Variants in TTC7B observed in about 807,000 individuals in gnomAD.
The protein encoded by TTC7B is tetratricopeptide repeat protein 7B.
TTC7B carries 28 observed loss-of-function variants against 106.8 expected under a neutral mutation model. The ratio of observed to expected loss-of-function variants is 0.26; its 90% CI spans 0.19 to 0.36. The LOEUF (loss-of-function observed/expected upper bound fraction) is 0.36, where lower values mean the gene tolerates loss of function less well. TTC7B is among the 10% of genes least tolerant of loss of function. TTC7B has a pLI of 1.00. For synonymous variants in TTC7B, 405 were observed against 430.6 expected (o/e 0.94, Z 0.74); for missense variants, 862 against 1,076.4 (o/e 0.80, Z 2.79).
chr14:90,693,991 G>A (rs543844462), intron 6 of TTC7B, among the ~76,000 whole-genome samples: 37 of 152,238 alleles, frequency 2.4e-4, no homozygotes, highest in African/African-American at 8.4e-4. Context: ...AATAAAATGT[G>A]ATATATCCAC....
intron 4 of TTC7B, among the ~76,000 whole-genome samples, chr14:90,740,188 G>A (rs145537524): frequency 4.4e-4 from 67 of 152,158 alleles, no homozygotes; most frequent in African/African-American, 1.6e-3. Flanking sequence ...TCTTGGCCCC[G>A]CCTCTGGGTC....
At chr14:90,568,001 C>T (rs534733583) in intron 19 of TTC7B, among the ~76,000 whole-genome samples, 34 of 152,322 alleles carry the variant, frequency 2.2e-4, no homozygotes, top group South Asian at 1.7e-3. Context: ...AGAGAGCCCC[C>T]GAGCCCTCAA....
intron 7 of TTC7B, among the ~76,000 whole-genome samples, chr14:90,689,336 A>G (rs1337967736): frequency 3.9e-5 from 6 of 152,218 alleles, no homozygotes; most frequent in Admixed American, 3.9e-4. Context: ...GCATTCTCCT[A>G]CTTAAAATGT....
chr14:90,629,077 G>A (rs905936468), intron 15 of TTC7B, among the ~76,000 whole-genome samples: 3 of 152,346 alleles, frequency 2.0e-5, no homozygotes, highest in Non-Finnish European at 2.9e-5. Flanking sequence ...GAAAGCAGGC[G>A]CTCTCTACCC....
At chr14:90,631,281 T>C (rs1385108047) in intron 15 of TTC7B, among the ~76,000 whole-genome samples, 2 of 152,338 alleles carry the variant, frequency 1.3e-5, no homozygotes, top group South Asian at 2.1e-4. Flanking sequence ...GGTGTATAGA[T>C]CTGTTCAAGT....
chr14:90,603,390 T>C (rs1892512048), intron 17 of TTC7B: 1 of 897,264 alleles, frequency 1.1e-6, no homozygotes, highest in Non-Finnish European at 1.6e-6. Flanking sequence ...GCGAACAGAG[T>C]TCTAATAACC....
chr14:90,699,017 G>A (rs1288594940), intron 5 of TTC7B: 1 of 344,882 alleles, frequency 2.9e-6, no homozygotes, highest in Non-Finnish European at 5.6e-6. Flanking sequence ...CTCCTTCCAG[G>A]GCTTGTCTGC....
At chr14:90,685,705 C>T (rs1020450804) in intron 7 of TTC7B, among the ~76,000 whole-genome samples, 13 of 152,170 alleles carry the variant, frequency 8.5e-5, no homozygotes, top group South Asian at 4.2e-4. Flanking sequence ...TAAAGGAATG[C>T]TATGAACAAC....
At chr14:90,767,354 G>A (rs1304601557) in intron 3 of TTC7B, among the ~76,000 whole-genome samples, 1 of 152,230 alleles carries the variant, frequency 6.6e-6, no homozygotes. Flanking sequence ...TTGAGAATAA[G>A]TGCTATGGTT....
rs118182170 is a variant in TTC7B at position 90,593,268 on chromosome 14, C to T, written c.2107+218G>A. Among the ~76,000 whole-genome samples the T allele has an allele frequency of 4.8e-3, 734 of 152,364 alleles. 2 individuals carry two copies. Among genetic ancestry groups the T allele is most frequent in the Non-Finnish European group, 8.3e-3 (563 of 68,042 alleles). On this transcript the variant is annotated intron_variant, in intron 18 of 19. Transcript: ENST00000328459. ...TAGATGTCTGCTCTGTGCCAGGGCACCGAGGCAGGGGAGAGGGATCGGGGG... is the reference window on the plus strand; with the variant it reads ...TAGATGTCTGCTCTGTGCCAGGGCATCGAGGCAGGGGAGAGGGATCGGGGG...
Position 90,624,977 on chromosome 14 carries a change from C to A in TTC7B, c.1752-6932G>T, listed in dbSNP as rs767296197. ...TGCGGGATCTGCCCAAGCGGGGCAG[C>A]GGCTGAGGGGGCCCTGGATACCTTC... On this transcript the variant is annotated intron_variant, in intron 15 of 19. Transcript: ENST00000328459. The surrounding 1 kb of genome is among the most constrained non-coding windows in gnomAD (Gnocchi z 4.0). Among the ~76,000 whole-genome samples the A allele has an allele frequency of 6.6e-6, 1 of 152,180 alleles. No individual in the cohort carries two copies. The highest frequency in any genetic ancestry group is 1.5e-5 in the Non-Finnish European group (1 of 68,030).
At chr14:90,645,164 C>T (rs1245943578) in intron 14 of TTC7B, 1 of 152,330 alleles carries the variant, frequency 6.6e-6, no homozygotes, top group Non-Finnish European at 1.5e-5. Flanking sequence ...GGCCTCTTCT[C>T]AGCTCTCCTG....
intron 4 of TTC7B, among the ~76,000 whole-genome samples, chr14:90,743,100 C>T (rs145580312): frequency 1.3e-5 from 2 of 152,252 alleles, no homozygotes; most frequent in Non-Finnish European, 2.9e-5. Context: ...AAGATCATAT[C>T]GTAAATTCTG....
chr14:90,709,295 A>G (rs8022509), intron 5 of TTC7B, among the ~76,000 whole-genome samples: 5,932 of 151,396 alleles, frequency 0.039, 161 homozygotes, highest in Non-Finnish European at 0.059. Flanking sequence ...CCAAATGTCC[A>G]ACAATGATAG....
At chr14:90,720,152 G>A (rs771951332) in intron 5 of TTC7B, among the ~76,000 whole-genome samples, 3 of 151,708 alleles carry the variant, frequency 2.0e-5, no homozygotes, top group South Asian at 4.2e-4. Flanking sequence ...TAAACAATAA[G>A]ATCACCACTC....
In TTC7B at chr14:90,528,222, T is replaced by A. The variant is rs889374055; in HGVS notation, c.*13146A>T. 3.9e-5 allele frequency: 6 copies of A among 152,212 alleles called. No homozygotes were observed. The highest frequency in any genetic ancestry group is 8.8e-5 in the Non-Finnish European group (6 of 68,072). 9.4% of individuals were successfully genotyped at this position (152,212 alleles called of 1,614,324 possible). ...GCTAAACAGCAGCACCAGCTCCTCC[T>A]TCTGTCCAGCCGGACAGAGAGCCTG... is the stretch of plus-strand genomic sequence containing the variant. On this transcript the variant is annotated 3_prime_UTR_variant, in exon 20 of 20. Coordinates refer to ENST00000328459, the MANE Select transcript of TTC7B (RefSeq NM_001010854.2).
At chr14:90,543,450 C>G (rs1484154324) in intron 19 of TTC7B, among the ~76,000 whole-genome samples, 4 of 152,186 alleles carry the variant, frequency 2.6e-5, no homozygotes, top group Non-Finnish European at 5.9e-5. Context: ...CAGGGGCCTT[C>G]CACTATTTTC....
intron 3 of TTC7B, among the ~76,000 whole-genome samples, chr14:90,749,805 C>G (rs1162066603): frequency 2.0e-5 from 3 of 152,188 alleles, no homozygotes; most frequent in Non-Finnish European, 2.9e-5. Context: ...TGCCATTAAT[C>G]ACATCCAGTG....
At position 90,564,053 on chromosome 14, in the gene TTC7B, C is replaced by T. The variant is rs145602790; in HGVS notation, c.2310+14053G>A. 2.8e-3 allele frequency among the ~76,000 whole-genome samples: 426 copies of T among 151,732 alleles called. 2 individuals are homozygous for T. Among genetic ancestry groups the T allele is most frequent in the African/African-American group, 9.9e-3 (409 of 41,346 alleles). ...GATATTTAGACCTCCTCCCATGAAT[C>T]ATGGATGATCTTAATGGCATCTAGA... On this transcript the variant is annotated intron_variant, in intron 19 of 19. Coordinates refer to ENST00000328459, the MANE Select transcript of TTC7B (RefSeq NM_001010854.2).
Sources: allele counts gnomAD v4.1 joint callset (sites outside exome capture counted in the v4.1 genomes callset), GRCh38; gene constraint gnomAD v4.1.1; non-coding constraint Gnocchi (gnomAD v3.1); transcripts MANE v1.5; gene names NCBI Gene and HGNC (gene_info 2026-07-23, HGNC 2026-07-21).